ZC3H11A: variants seen among roughly 807,000 people sequenced by gnomAD.
ZC3H11A encodes zinc finger CCCH-type containing 11A, also known as zinc finger CCCH domain-containing protein 11A.
Under a neutral mutation model 90.8 loss-of-function variants are expected in ZC3H11A, and 22 were observed. That is an observed-to-expected ratio of 0.24 (90% CI 0.17 to 0.35). The LOEUF (loss-of-function observed/expected upper bound fraction) is 0.35. Ranked by LOEUF, ZC3H11A falls within the 10% of genes least tolerant of loss-of-function variation. ZC3H11A has a pLI of 1.00. For missense variants in ZC3H11A, 701 were observed against 964.9 expected (o/e 0.73, Z 3.62); for synonymous variants, 294 against 339.8 (o/e 0.87, Z 1.48).
At chr1:203,797,641 A>C (rs775883000) in intron 1 of ZC3H11A, 1 of 1,536,116 alleles carries the variant, frequency 6.5e-7, no homozygotes. Flanking sequence ...ACAGATGAAG[A>C]AGATGTGGTA....
At chr1:203,805,532 A>C in intron 2 of ZC3H11A, 1 of 537,242 alleles carries the variant, frequency 1.9e-6, no homozygotes, top group Non-Finnish European at 3.7e-6. Context: ...AAGAAAGGAC[A>C]GAAACGTATC....
chr1:203,841,711 C>T (rs1289195833), intron 12 of ZC3H11A, among the ~76,000 whole-genome samples: 1 of 152,110 alleles, frequency 6.6e-6, no homozygotes, highest in African/African-American at 2.4e-5. Context: ...AGGGGCTCCT[C>T]ACTTCCCAGA....
chr1:203,847,512 G>A lies in ZC3H11A; in HGVS notation c.1371G>A (p.Glu457=). Residue 457 remains glutamate (E), a synonymous_variant, in exon 13 of 18, where the codon GAG becomes GAA. Coordinates refer to ENST00000367210, the MANE Select transcript of ZC3H11A (RefSeq NM_001376342.1). The part of the protein sequence containing the change: ...PPIVASRGQS[E]EPAGKTKSMQ... Reference sequence around the variant, plus strand: ...TTGTTGCCAGCAGAGGACAATCAGAGGAGCCTGCAGGTAAAACAAAGTCTA... The same window carrying A: ...TTGTTGCCAGCAGAGGACAATCAGAAGAGCCTGCAGGTAAAACAAAGTCTA... The A allele has an allele frequency of 6.2e-7, 1 of 1,613,936 alleles. No homozygotes were observed. The highest frequency in any genetic ancestry group is 1.1e-5 in the South Asian group (1 of 91,080).
intron 13 of ZC3H11A, 30 bp downstream of exon 13, chr1:203,847,717 C>T (rs750385942): frequency 2.5e-6 from 4 of 1,597,418 alleles, no homozygotes; most frequent in African/African-American, 1.4e-5. Flanking sequence ...TCTAGTACCA[C>T]GTCCCCACAT....
At chr1:203,798,125 G>A in intron 1 of ZC3H11A, 2 of 1,536,104 alleles carry the variant, frequency 1.3e-6, no homozygotes, top group Non-Finnish European at 1.7e-6. Context: ...ACTTTACCTT[G>A]GATGTGTCTT....
At chr1:203,796,519 C>T (rs1668554305) in intron 1 of ZC3H11A, 2 of 398,838 alleles carry the variant, frequency 5.0e-6, no homozygotes, top group African/African-American at 2.1e-5. Flanking sequence ...ATGGGGAAGG[C>T]CTATATTGTT....
At chr1:203,798,834 C>T in intron 1 of ZC3H11A, 1 of 1,536,126 alleles carries the variant, frequency 6.5e-7, no homozygotes, top group Non-Finnish European at 8.7e-7. Context: ...GAGGTTCATG[C>T]AGATTGTGGC....
intron 3 of ZC3H11A, among the ~76,000 whole-genome samples, chr1:203,818,064 A>T (rs371606039): frequency 6.6e-6 from 1 of 152,208 alleles, no homozygotes. Context: ...GTTTTAAATG[A>T]TGAGTTTTGA....
At chr1:203,818,504 G>C (rs1677131669) in intron 3 of ZC3H11A, 66 bp from the exon 4 acceptor site, 2 of 1,604,486 alleles carry the variant, frequency 1.2e-6, no homozygotes, top group East Asian at 4.5e-5. Flanking sequence ...AGGAGCTCTT[G>C]TTATGGATAT....
chr1:203,826,808 T>C (rs961841724), intron 4 of ZC3H11A, among the ~76,000 whole-genome samples: 3 of 152,162 alleles, frequency 2.0e-5, no homozygotes, highest in African/African-American at 4.8e-5. Flanking sequence ...ATATCTTTTT[T>C]CCCCCTTTTT....
At chr1:203,827,350 CT>C (rs200907717) in intron 4 of ZC3H11A, among the ~76,000 whole-genome samples, 9,856 of 139,988 alleles carry the variant, frequency 0.07, 791 homozygotes, top group East Asian at 0.41. Flanking sequence ...CACAGGTATT[CT>C]TTTTTTTTTT....
At chr1:203,833,618 G>GTTTTTTTTTTTTTTTTTTTTTTTTTTTT (rs553171669) in intron 9 of ZC3H11A, among the ~76,000 whole-genome samples, 173 bp from the exon 10 acceptor site, 1 of 124,832 alleles carries the variant, frequency 8.0e-6, no homozygotes, top group Non-Finnish European at 1.7e-5. Flanking sequence ...ATAGGTTTGG[G>GTTTTTTTTTTTTTTTTTTTTTTTTTTTT]TTTTTTTTTT....
At chr1:203,850,463 A>C (rs1396822096) in intron 15 of ZC3H11A, 52 bp from the exon 16 acceptor site, 1 of 1,600,146 alleles carries the variant, frequency 6.2e-7, no homozygotes, top group Admixed American at 1.7e-5. Context: ...ATTATTCCCC[A>C]TTTAAAAGAG....
intron 1 of ZC3H11A, chr1:203,798,923 A>C: frequency 7.2e-6 from 11 of 1,536,058 alleles, no homozygotes; most frequent in Non-Finnish European, 9.6e-6. Flanking sequence ...TCAGAGAAAA[A>C]ATTTTCTTAA....
chr1:203,836,711 G>A lies in ZC3H11A; in HGVS notation c.875-1255G>A, dbSNP rs540795976. On this transcript the variant is annotated intron_variant, in intron 10 of 17. Transcript: ENST00000367210. ...GAATCGCTTGAACCCGGGAGGTGGA[G>A]GTGGCAGTGAGCTGAGATCTTCCCA... is the stretch of plus-strand genomic sequence containing the variant. 6.6e-5 allele frequency among the ~76,000 whole-genome samples: 10 copies of A among 152,340 alleles called. No homozygotes were observed. In the South Asian group the frequency reaches 1.9e-3, roughly 28 times the overall value.
At chr1:203,814,391 G>A (rs1371623956) in intron 2 of ZC3H11A, among the ~76,000 whole-genome samples, 1 of 152,304 alleles carries the variant, frequency 6.6e-6, no homozygotes, top group South Asian at 2.1e-4. Context: ...ATATGTGGTG[G>A]TGCAAGCCTG....
At chr1:203,829,337 A>G (rs1336796177) in intron 5 of ZC3H11A, 114 bp from the exon 6 acceptor site, 6 of 1,049,318 alleles carry the variant, frequency 5.7e-6, no homozygotes, top group Non-Finnish European at 8.4e-6. Context: ...GAGGAAATTT[A>G]GTATAAATGC....
intron 16 of ZC3H11A, 48 bp downstream of exon 16, chr1:203,850,729 A>G: frequency 6.3e-7 from 1 of 1,583,148 alleles, no homozygotes. Flanking sequence ...GTGGTAGGAA[A>G]GCAGGAAAGA....
Position 203,828,343 on chromosome 1 carries a change from A to G in ZC3H11A, c.219A>G (p.Thr73=). The G allele has an allele frequency of 6.2e-7, 1 of 1,614,140 alleles. No individual in the cohort carries two copies. Among genetic ancestry groups the G allele is most frequent in the Non-Finnish European group, 8.5e-7 (1 of 1,180,002 alleles). ...EIPCYWENQP[T]GCQKLNCAFH... ...CTTGTTATTGGGAAAATCAGCCAAC[A>G]GGATGTCAAAAATTAAACTGCGCTT... The change falls in exon 5 of 18, where the codon ACA becomes ACG. Residue 73 remains threonine (T), a synonymous_variant. Transcript: ENST00000367210.
Sources: gnomAD v4.1 joint callset for allele counts (sites outside exome capture counted in the v4.1 genomes callset) on GRCh38, gnomAD v4.1.1 for gene constraint, MANE v1.5 for transcripts, NCBI Gene and HGNC (gene_info 2026-07-23, HGNC 2026-07-21) for gene names.